Variants in LARGE1 observed in about 807,000 individuals in gnomAD.
The protein encoded by LARGE1 is xylosyl- and glucuronyltransferase LARGE1.
LARGE1 carries 43 observed loss-of-function variants against 87.6 expected under a neutral mutation model. That is an observed-to-expected ratio of 0.49 (90% CI 0.38 to 0.63). The LOEUF (loss-of-function observed/expected upper bound fraction) is 0.63. Among genes scored for constraint, LARGE1 ranks in the 30% least tolerant of loss-of-function variants. The pLI is 0.00. For missense variants in LARGE1, 802 were observed against 1,000.2 expected (o/e 0.80, Z 2.67); for synonymous variants, 434 against 394.6 (o/e 1.10, Z -1.18).
chr22:33,491,224 C>T (rs776109412), intron 6 of LARGE1, among the ~76,000 whole-genome samples: 4 of 152,154 alleles, frequency 2.6e-5, no homozygotes, highest in Non-Finnish European at 4.4e-5. Flanking sequence ...AATTTAGGGA[C>T]ATTTTAAAAG....
At chr22:33,083,202 T>C in the LARGE1 span, among the ~76,000 whole-genome samples, 1 of 152,096 alleles carries the variant, frequency 6.6e-6, no homozygotes, top group East Asian at 1.9e-4. Flanking sequence ...ATACCTGAGG[T>C]GGGGAGGAAA....
chr22:33,081,523 G>A, the LARGE1 span, among the ~76,000 whole-genome samples: 1 of 152,160 alleles, frequency 6.6e-6, no homozygotes, highest in Non-Finnish European at 1.5e-5. Flanking sequence ...GAAAACAGTA[G>A]GCAATACGGG....
intron 9 of LARGE1, among the ~76,000 whole-genome samples, chr22:33,352,520 G>A (rs1225032979): frequency 2.0e-5 from 3 of 152,228 alleles, no homozygotes; most frequent in South Asian, 2.1e-4. Context: ...CTGGGAGGCC[G>A]AGGTGGGCAG....
the LARGE1 span, among the ~76,000 whole-genome samples, chr22:33,098,106 A>T: frequency 6.6e-6 from 1 of 152,166 alleles, no homozygotes; most frequent in East Asian, 1.9e-4. Flanking sequence ...CAGAAGTTTG[A>T]CACCAGCCTG....
chr22:33,259,868 A>G (rs1289240511), intron 11 of LARGE1, among the ~76,000 whole-genome samples: 2 of 152,112 alleles, frequency 1.3e-5, no homozygotes, highest in Non-Finnish European at 2.9e-5. Context: ...TATCTACCAC[A>G]TGCATCTGGT....
intron 1 of LARGE1, among the ~76,000 whole-genome samples, chr22:33,801,945 T>C (rs1451561997): frequency 6.6e-6 from 1 of 152,116 alleles, no homozygotes; most frequent in Non-Finnish European, 1.5e-5. Flanking sequence ...TGTTTGCTGT[T>C]ACTATTTTTA....
At chr22:33,088,829 G>A in the LARGE1 span, among the ~76,000 whole-genome samples, 2 of 152,192 alleles carry the variant, frequency 1.3e-5, no homozygotes. Context: ...AACTTGCCAT[G>A]TCTCATTTTT....
intron 2 of LARGE1, among the ~76,000 whole-genome samples, chr22:33,661,086 A>C (rs1484882718): frequency 6.6e-6 from 1 of 152,076 alleles, no homozygotes; most frequent in Non-Finnish European, 1.5e-5. Context: ...AAAGATTTTC[A>C]ATTTTATTTT....
chr22:33,459,109 C>T (rs2068258474), intron 6 of LARGE1, among the ~76,000 whole-genome samples: 1 of 152,032 alleles, frequency 6.6e-6, no homozygotes, highest in African/African-American at 2.4e-5. Context: ...GCTCTGTCCT[C>T]TAAGTTCCCT....
chr22:33,700,776 A>G (rs2082383466), intron 2 of LARGE1, among the ~76,000 whole-genome samples: 1 of 152,212 alleles, frequency 6.6e-6, no homozygotes, highest in Non-Finnish European at 1.5e-5. Flanking sequence ...CAGAAACAAA[A>G]GCAGGGAAGT....
intron 2 of LARGE1, among the ~76,000 whole-genome samples, chr22:33,717,218 CA>C (rs1214467789): frequency 2.6e-5 from 4 of 152,112 alleles, no homozygotes; most frequent in African/African-American, 9.7e-5. Flanking sequence ...TTCATCCACC[CA>C]TCTACCCCCA....
At chr22:33,518,200 T>A (rs2071402014) in intron 6 of LARGE1, among the ~76,000 whole-genome samples, 1 of 152,268 alleles carries the variant, frequency 6.6e-6, no homozygotes, top group African/African-American at 2.4e-5. Flanking sequence ...GAGGAACTCA[T>A]CTGTGTGTCA....
chr22:33,757,575 C>A (rs1020821914), intron 2 of LARGE1, among the ~76,000 whole-genome samples: 1 of 152,136 alleles, frequency 6.6e-6, no homozygotes, highest in Non-Finnish European at 1.5e-5. Context: ...GGCGTGTAAT[C>A]CAACTCCAAA....
At chr22:33,572,164 TG>T in intron 5 of LARGE1, 1 of 1,263,516 alleles carries the variant, frequency 7.9e-7, no homozygotes, top group Non-Finnish European at 1.0e-6. Flanking sequence ...CATTTTGCTG[TG>T]GATTACAAAT....
intron 1 of LARGE1, among the ~76,000 whole-genome samples, chr22:33,908,737 T>C (rs1452188965): frequency 6.6e-6 from 1 of 152,156 alleles, no homozygotes; most frequent in Non-Finnish European, 1.5e-5. Context: ...CTGTAAGGGA[T>C]TGGATTATCC....
At chr22:33,408,507 T>C (rs1444934156) in intron 7 of LARGE1, among the ~76,000 whole-genome samples, 1 of 152,166 alleles carries the variant, frequency 6.6e-6, no homozygotes, top group African/African-American at 2.4e-5. Context: ...GAGAATCATG[T>C]CTTCGTGGCC....
intron 11 of LARGE1, among the ~76,000 whole-genome samples, chr22:33,240,981 C>T (rs1004185170): frequency 6.6e-6 from 1 of 152,174 alleles, no homozygotes; most frequent in Non-Finnish European, 1.5e-5. Context: ...CAGGGCTTGT[C>T]TCATTCTTCC....
intron 11 of LARGE1, among the ~76,000 whole-genome samples, chr22:33,210,195 G>A (rs978258808): frequency 2.6e-5 from 4 of 152,222 alleles, no homozygotes; most frequent in Admixed American, 1.3e-4. Flanking sequence ...CTCAACCTTG[G>A]TCCTTGACCC....
intron 6 of LARGE1, among the ~76,000 whole-genome samples, chr22:33,449,869 A>ACAG (rs991430627): frequency 2.6e-5 from 4 of 151,624 alleles, no homozygotes; most frequent in African/African-American, 9.7e-5. Context: ...ATGTTTATAA[A>ACAG]CAGTCTGCTA....
Sources: gnomAD v4.1 joint callset for allele counts (sites outside exome capture counted in the v4.1 genomes callset) on GRCh38, gnomAD v4.1.1 for gene constraint, MANE v1.5 for transcripts, NCBI Gene and HGNC (gene_info 2026-07-23, HGNC 2026-07-21) for gene names.